INPP4B: variants seen among roughly 807,000 people sequenced by gnomAD.
The protein encoded by INPP4B is inositol polyphosphate-4-phosphatase type II B, also known as inositol polyphosphate 4-phosphatase type II.
INPP4B carries 55 observed loss-of-function variants against 122.5 expected under a neutral mutation model. The observed-to-expected ratio is 0.45, with a 90% CI of 0.36 to 0.56. The LOEUF (loss-of-function observed/expected upper bound fraction) is 0.56. Among genes scored for constraint, INPP4B ranks in the 20% least tolerant of loss-of-function variants. INPP4B has a pLI of 0.00. For synonymous variants in INPP4B, 403 were observed against 388.7 expected, an observed-to-expected ratio of 1.04 and a Z score of -0.43; for missense variants, 1,000 against 1,097.7, an observed-to-expected ratio of 0.91 and a Z score of 1.26.
chr4:142,131,308 A>T (rs1056623266), intron 18 of INPP4B, among the ~76,000 whole-genome samples: 1 of 152,204 alleles, frequency 6.6e-6, no homozygotes, highest in Non-Finnish European at 1.5e-5. Context: ...TTGAGAAGAC[A>T]GGTAGTGGAT....
intron 7 of INPP4B, among the ~76,000 whole-genome samples, chr4:142,326,641 A>G (rs904334143): frequency 6.6e-6 from 1 of 152,334 alleles, no homozygotes; most frequent in Admixed American, 6.5e-5. Flanking sequence ...GTGGAGAATC[A>G]TTATGCTCGA....
intron 24 of INPP4B, among the ~76,000 whole-genome samples, chr4:142,085,916 A>G (rs1776499928): frequency 6.6e-6 from 1 of 152,206 alleles, no homozygotes; most frequent in Non-Finnish European, 1.5e-5. Flanking sequence ...CAAGGTTGGT[A>G]AGAATAGCAA....
chr4:142,541,274 G>A (rs903489449), intron 2 of INPP4B, among the ~76,000 whole-genome samples: 2 of 152,184 alleles, frequency 1.3e-5, no homozygotes, highest in Non-Finnish European at 2.9e-5. Flanking sequence ...CTGAGGTGTA[G>A]AGAAATCTTC....
intron 2 of INPP4B, among the ~76,000 whole-genome samples, chr4:142,558,793 T>TAAAAAAAAAAAAAAAAA (rs34151070): frequency 1.3e-4 from 10 of 75,544 alleles, no homozygotes; most frequent in African/African-American, 5.0e-4. Flanking sequence ...AGACTCCCTC[T>TAAAAAAAAAAAAAAAAA]AAAAAAAAAA....
At chr4:142,653,162 C>A (rs916416244) in intron 2 of INPP4B, among the ~76,000 whole-genome samples, 1 of 152,318 alleles carries the variant, frequency 6.6e-6, no homozygotes, top group Admixed American at 6.5e-5. Context: ...GGAAAACTGG[C>A]TAGCCATATG....
At chr4:142,178,520 T>C (rs1347159514) in intron 15 of INPP4B, among the ~76,000 whole-genome samples, 1 of 152,208 alleles carries the variant, frequency 6.6e-6, no homozygotes, top group Non-Finnish European at 1.5e-5. Flanking sequence ...ACTTACTCTG[T>C]TACTTATCCA....
At chr4:142,604,746 C>T (rs778551658) in intron 2 of INPP4B, among the ~76,000 whole-genome samples, 22 of 152,042 alleles carry the variant, frequency 1.4e-4, no homozygotes, top group Non-Finnish European at 2.9e-4. Flanking sequence ...AAAGACATCC[C>T]ATGCTCATGA....
intron 2 of INPP4B, among the ~76,000 whole-genome samples, chr4:142,699,477 C>T (rs1047631468): frequency 2.6e-5 from 4 of 152,132 alleles, no homozygotes; most frequent in African/African-American, 7.2e-5. Context: ...AATCACAGAG[C>T]TCCACCTACT....
At chr4:142,632,927 T>A (rs1037111704) in intron 2 of INPP4B, among the ~76,000 whole-genome samples, 16 of 150,888 alleles carry the variant, frequency 1.1e-4, no homozygotes, top group Middle Eastern at 4.1e-3. Context: ...GAAAAAAAAA[T>A]TTTAAATAAT....
chr4:142,693,935 G>A (rs1057467145), intron 2 of INPP4B, among the ~76,000 whole-genome samples: 1 of 93,484 alleles, frequency 1.1e-5, no homozygotes, highest in African/African-American at 2.9e-5. Flanking sequence ...TATAAGATCT[G>A]CTTCTCTCTA....
intron 1 of INPP4B, among the ~76,000 whole-genome samples, chr4:142,732,171 A>G (rs1766194949): frequency 6.6e-6 from 1 of 152,126 alleles, no homozygotes; most frequent in Non-Finnish European, 1.5e-5. Flanking sequence ...AAAACTAAAG[A>G]CCAGAATGGC....
intron 2 of INPP4B, among the ~76,000 whole-genome samples, chr4:142,492,793 G>C (rs1047501734): frequency 3.3e-5 from 5 of 152,138 alleles, no homozygotes; most frequent in African/African-American, 1.2e-4. Context: ...ACATTTTCTG[G>C]GGAGAAATCC....
intron 2 of INPP4B, among the ~76,000 whole-genome samples, chr4:142,507,166 T>A (rs923505943): frequency 6.6e-6 from 1 of 152,196 alleles, no homozygotes; most frequent in African/African-American, 2.4e-5. Context: ...TACAGTATTA[T>A]AGCCACGAGG....
intron 7 of INPP4B, among the ~76,000 whole-genome samples, chr4:142,359,225 CA>C (rs36016956): frequency 0.12 from 17,420 of 143,664 alleles, 1,043 homozygotes; most frequent in East Asian, 0.18. Flanking sequence ...AACAAACAAA[CA>C]AAAAAAAAAA....
chr4:142,252,160 G>A (rs562808649), intron 11 of INPP4B, among the ~76,000 whole-genome samples: 39 of 151,330 alleles, frequency 2.6e-4, no homozygotes, highest in African/African-American at 9.2e-4. Context: ...TAAGGTATTA[G>A]CATATTGCCT....
At chr4:142,277,015 G>A (rs1281735030) in intron 9 of INPP4B, among the ~76,000 whole-genome samples, 1 of 151,714 alleles carries the variant, frequency 6.6e-6, no homozygotes, top group African/African-American at 2.4e-5. Context: ...AAAATTAACA[G>A]GCCATTCTTC....
chr4:142,094,618 C>T (rs527519175), intron 23 of INPP4B, among the ~76,000 whole-genome samples: 18 of 152,166 alleles, frequency 1.2e-4, no homozygotes, highest in Non-Finnish European at 2.6e-4. Flanking sequence ...GACACATAAC[C>T]AGCCCTTCTC....
chr4:142,469,221 T>C (rs1174572570), intron 2 of INPP4B, among the ~76,000 whole-genome samples: 9 of 151,860 alleles, frequency 5.9e-5, no homozygotes, highest in Non-Finnish European at 1.2e-4. Flanking sequence ...CTTTTCTATA[T>C]AATAGCAAAA....
Position 142,153,902 on chromosome 4 carries a change from G to T in INPP4B, c.1563+6456C>A, listed in dbSNP as rs562827242. On this transcript the variant is annotated intron_variant, in intron 17 of 25. Transcript: ENST00000262992. The stretch of plus-strand genomic sequence containing the variant: ...CACCTGGGGTTTCTTTTCTTTAATA[G>T]AACATTTGTGCATTTTAATGGACCA... Among the ~76,000 whole-genome samples the T allele has an allele frequency of 2.0e-5, 3 of 152,226 alleles. No homozygotes were observed. In the East Asian group the frequency reaches 5.8e-4, roughly 29 times the overall value.
Sources: allele counts gnomAD v4.1 joint callset (sites outside exome capture counted in the v4.1 genomes callset), GRCh38; gene constraint gnomAD v4.1.1; transcripts MANE v1.5; gene names NCBI Gene and HGNC (gene_info 2026-07-23, HGNC 2026-07-21).